RBP2: variants seen among roughly 807,000 people sequenced by gnomAD.
The protein encoded by RBP2 is retinol binding protein 2, also known as retinol-binding protein 2.
A neutral mutation model predicts 17.0 loss-of-function variants in RBP2; 17 were observed. The observed-to-expected ratio is 1.00, with a 90% confidence interval of 0.68 to 1.50. The LOEUF (loss-of-function observed/expected upper bound fraction) is 1.50, where lower values mean the gene tolerates loss of function less well. Among genes scored for constraint, RBP2 ranks in the 40% most tolerant of loss-of-function variants. The probability of loss-of-function intolerance (pLI) is 0.00; values close to 1 mark genes in which losing one functional copy is unlikely to be tolerated. For synonymous variants in RBP2, 48 were observed against 57.1 expected (o/e 0.84, Z 0.72); for missense variants, 158 against 168.2 (o/e 0.94, Z 0.33).
chr3:139,471,799 C>G (rs1933578970), intron 1 of RBP2, among the ~76,000 whole-genome samples: 1 of 152,304 alleles, frequency 6.6e-6, no homozygotes, highest in East Asian at 1.9e-4. Context: ...GGGTACTGCT[C>G]TCAATACCTT....
Position 139,454,818 on chromosome 3 carries a change from A to G in RBP2, c.265T>C (p.Trp89Arg). ...DNRHVKALVT[W>R]EGDVLVCVQK... is the part of the protein sequence containing the mutation. Reference sequence around the variant, plus strand: ...ACACACACAAGGACATCACCTTCCCAGGTGACCAGTGCCTGTAAAGACAGA... The same window carrying G: ...ACACACACAAGGACATCACCTTCCCGGGTGACCAGTGCCTGTAAAGACAGA... The change falls in exon 3 of 4, where the codon TGG (tryptophan) becomes CGG (arginine). Residue 89 changes from tryptophan (W) to arginine (R), a missense_variant. Trp to Arg is a moderately radical substitution (Grantham distance 101, BLOSUM62 -3). Transcript: ENST00000232217. The G allele has an allele frequency of 6.2e-7, 1 of 1,614,152 alleles. No individual in the cohort carries two copies. The highest frequency in any genetic ancestry group is 8.5e-7 in the Non-Finnish European group (1 of 1,180,000).
intron 1 of RBP2, among the ~76,000 whole-genome samples, chr3:139,474,072 T>C (rs896413002): frequency 6.6e-6 from 1 of 152,152 alleles, no homozygotes; most frequent in African/African-American, 2.4e-5. Flanking sequence ...CTCATTAGAG[T>C]GAAATCAATG....
rs1206561804 is a variant in RBP2, at chr3:139,462,208, T to C, written c.156A>G (p.Thr52=). The change falls in exon 2 of 4, where the codon ACA becomes ACG. Residue 52 remains threonine, a synonymous_variant. Coordinates refer to ENST00000232217, the MANE Select transcript of RBP2 (RefSeq NM_004164.3). ...VIDQDGDNFK[T]KTTSTFRNYD... ...AGTTGCGGAATGTGCTAGTGGTTTTTGTCTTGAAGTTATCACCATCTTGAT... is the reference window on the plus strand; with the variant it reads ...AGTTGCGGAATGTGCTAGTGGTTTTCGTCTTGAAGTTATCACCATCTTGAT... 6.2e-7 allele frequency: 1 copy of C among 1,614,066 alleles called. No homozygotes were observed. Among genetic ancestry groups the C allele is most frequent in the African/African-American group, 1.3e-5 (1 of 74,932 alleles).
chr3:139,476,376 C>T lies in RBP2; in HGVS notation c.73+11G>A. 1.2e-6 allele frequency: 2 copies of T among 1,612,966 alleles called. No individual in the cohort carries two copies. Among genetic ancestry groups the T allele is most frequent in the Non-Finnish European group, 1.7e-6 (2 of 1,179,042 alleles). ...AACAGCTACCCTCCCCATCCCCAGT[C>T]TCCTCCTTACCCAGGGCCTTCATGT... On this transcript the variant is annotated intron_variant, in intron 1 of 3. Coordinates refer to ENST00000232217, the MANE Select transcript of RBP2 (RefSeq NM_004164.3).
In RBP2 at chr3:139,473,892, C is replaced by A. The variant is rs1933644129; in HGVS notation, c.73+2495G>T. Reference sequence around the variant, plus strand: ...TCATGACTTGGGCAGGAGCAAGTTTCTGGGGTCCTGAGACACTGGGCTGTC... The same window carrying A: ...TCATGACTTGGGCAGGAGCAAGTTTATGGGGTCCTGAGACACTGGGCTGTC... On this transcript the variant is annotated intron_variant, in intron 1 of 3. Coordinates refer to ENST00000232217, the MANE Select transcript of RBP2 (RefSeq NM_004164.3). Among the ~76,000 whole-genome samples, 5 of 152,302 alleles carry A rather than the reference C, an allele frequency of 3.3e-5. No individual in the cohort carries two copies. The South Asian group carries it at 8.3e-4, about 25-fold the overall frequency.
intron 1 of RBP2, chr3:139,466,600 A>T (rs953829741): frequency 6.6e-6 from 1 of 152,216 alleles, no homozygotes; most frequent in African/African-American, 2.4e-5. Context: ...TCGTCGCTGG[A>T]CATTTGGTTC....
chr3:139,454,798 C>A lies in RBP2; in HGVS notation c.285G>T (p.Val95=). The change falls in exon 3 of 4, where the codon GTG becomes GTT. Residue 95 remains valine (V), a synonymous_variant. Coordinates refer to ENST00000232217, the MANE Select transcript of RBP2 (RefSeq NM_004164.3). ...ALVTWEGDVL[V]CVQKGEKENR... ...TCTCCTTCTCCCCCTTTTGCACACA[C>A]ACAAGGACATCACCTTCCCAGGTGA... The A allele has an allele frequency of 6.2e-7, 1 of 1,614,224 alleles. No homozygotes were observed. The highest frequency in any genetic ancestry group is 8.5e-7 in the Non-Finnish European group (1 of 1,180,028).
chr3:139,454,254 T>A (rs896649131), intron 3 of RBP2, among the ~76,000 whole-genome samples: 1 of 152,168 alleles, frequency 6.6e-6, no homozygotes, highest in Non-Finnish European at 1.5e-5. Context: ...CAAATTACCT[T>A]AAAATATTTT....
intron 1 of RBP2, 35 bp downstream of exon 1, chr3:139,476,352 A>G (rs779814757): frequency 1.3e-5 from 21 of 1,594,628 alleles, no homozygotes; most frequent in Non-Finnish European, 1.5e-5. Context: ...ACTCCCAACA[A>G]CAGCTACCCT....
intron 1 of RBP2, among the ~76,000 whole-genome samples, chr3:139,467,683 G>A (rs144233835): frequency 8.5e-5 from 13 of 152,264 alleles, no homozygotes; most frequent in East Asian, 1.9e-4. Context: ...GCACATTGCC[G>A]TCCACTCTTG....
At chr3:139,459,400 A>ATATATGTGTGTG (rs111417242) in intron 2 of RBP2, among the ~76,000 whole-genome samples, 1,510 of 128,518 alleles carry the variant, frequency 0.012, 17 homozygotes, top group East Asian at 0.019. Flanking sequence ...TACTATATAT[A>ATATATGTGTGTG]TGTGTGTGTG....
At chr3:139,458,164 T>C (rs1188599635) in intron 2 of RBP2, among the ~76,000 whole-genome samples, 1 of 151,910 alleles carries the variant, frequency 6.6e-6, no homozygotes, top group African/African-American at 2.4e-5. Flanking sequence ...CTTGTAACTT[T>C]TCTGTAAGTT....
intron 3 of RBP2, 25 bp downstream of exon 3, chr3:139,454,704 G>C: frequency 6.2e-7 from 1 of 1,608,348 alleles, no homozygotes; most frequent in South Asian, 1.1e-5. Context: ...CAATGGAAGT[G>C]AGCTGAGCAG....
chr3:139,466,777 T>G (rs946213458), intron 1 of RBP2: 9 of 152,232 alleles, frequency 5.9e-5, no homozygotes, highest in African/African-American at 2.2e-4. Context: ...ATAATATCAT[T>G]ATGAAGCCCC....
At chr3:139,457,077 G>A (rs1334243903) in intron 2 of RBP2, among the ~76,000 whole-genome samples, 2 of 152,140 alleles carry the variant, frequency 1.3e-5, no homozygotes, top group East Asian at 1.9e-4. Flanking sequence ...TACCTAACAC[G>A]TGTTGGCTGA....
intron 1 of RBP2, among the ~76,000 whole-genome samples, chr3:139,469,906 T>G: frequency 6.6e-6 from 1 of 152,164 alleles, no homozygotes; most frequent in East Asian, 1.9e-4. Flanking sequence ...AGGAAAGGGC[T>G]GTGGGTGTTA....
chr3:139,454,884 A>C (rs1943369257), intron 2 of RBP2, 54 bp from the exon 3 acceptor site: 1 of 1,540,778 alleles, frequency 6.5e-7, no homozygotes, highest in African/African-American at 1.4e-5. Context: ...GGGACTGAAC[A>C]AATCTAAACC....
At chr3:139,469,976 T>C (rs924853172) in intron 1 of RBP2, among the ~76,000 whole-genome samples, 1 of 152,206 alleles carries the variant, frequency 6.6e-6, no homozygotes, top group African/African-American at 2.4e-5. Context: ...CACGTGGCCA[T>C]GGATAAGTCT....
At chr3:139,458,542 G>A (rs200204622) in intron 2 of RBP2, among the ~76,000 whole-genome samples, 22 of 152,136 alleles carry the variant, frequency 1.4e-4, no homozygotes, top group East Asian at 5.8e-4. Flanking sequence ...ATAAGGTTGC[G>A]TAACCATCAA....
Sources: gnomAD v4.1 joint callset for allele counts (sites outside exome capture counted in the v4.1 genomes callset) on GRCh38, gnomAD v4.1.1 for gene constraint, MANE v1.5 for transcripts, NCBI Gene and HGNC (gene_info 2026-07-23, HGNC 2026-07-21) for gene names.